Variants in SNAPC3 observed in about 807,000 individuals in gnomAD.
SNAPC3 encodes the protein snRNA-activating protein complex subunit 3.
SNAPC3 carries 56 observed loss-of-function variants against 47.7 expected under a neutral mutation model. That is an observed-to-expected ratio of 1.18 (90% CI 0.95 to 1.47). The LOEUF is 1.47. SNAPC3 is among the 40% of genes most tolerant of loss of function. The pLI, the probability that SNAPC3 is intolerant of heterozygous loss-of-function variation, is 0.00. For missense variants in SNAPC3, 665 were observed against 511.3 expected, an observed-to-expected ratio of 1.30 and a Z score of -2.90; for synonymous variants, 235 against 189.9, an observed-to-expected ratio of 1.24 and a Z score of -1.95.
At chr9:15,454,973 G>A (rs1207372876) in intron 7 of SNAPC3, among the ~76,000 whole-genome samples, 1 of 151,992 alleles carries the variant, frequency 6.6e-6, no homozygotes, top group Non-Finnish European at 1.5e-5. Context: ...AATGCAAATG[G>A]GAGAGAATTA....
chr9:15,424,349 T>C (rs1281112528), intron 2 of SNAPC3, among the ~76,000 whole-genome samples: 1 of 152,252 alleles, frequency 6.6e-6, no homozygotes, highest in African/African-American at 2.4e-5. Flanking sequence ...TATTTTTTAA[T>C]ATTTTTGAAT....
chr9:15,462,380 T>C (rs1003415213), downstream of SNAPC3: 4 of 152,350 alleles, frequency 2.6e-5, no homozygotes, highest in Admixed American at 6.5e-5. Context: ...GTATCAGTTA[T>C]ACAGGTATCC....
downstream of SNAPC3, chr9:15,464,543 A>G (rs112940628): frequency 5.4e-3 from 1,086 of 199,918 alleles, 11 homozygotes; most frequent in African/African-American, 0.023. Context: ...TATTTTTGGA[A>G]TCTAGAAAAT....
At chr9:15,447,540 T>A (rs1295396833) in intron 5 of SNAPC3, among the ~76,000 whole-genome samples, 1 of 152,170 alleles carries the variant, frequency 6.6e-6, no homozygotes, top group Non-Finnish European at 1.5e-5. Flanking sequence ...TTTTGTTTTT[T>A]TGAGACAGAG....
intron 3 of SNAPC3, among the ~76,000 whole-genome samples, chr9:15,436,424 T>C (rs573985342): frequency 1.2e-4 from 19 of 152,322 alleles, no homozygotes; most frequent in African/African-American, 4.3e-4. Flanking sequence ...TTGCAGACTG[T>C]CCTTTCCCTA....
At chr9:15,426,448 G>T (rs1365282951) in intron 2 of SNAPC3, among the ~76,000 whole-genome samples, 3 of 152,134 alleles carry the variant, frequency 2.0e-5, no homozygotes, top group Non-Finnish European at 2.9e-5. Flanking sequence ...ACACTTGAAA[G>T]TTCCTTAAGT....
Position 15,461,148 on chromosome 9 carries a change from A to AG in SNAPC3, c.*1282_*1283insG. On this transcript the variant is annotated 3_prime_UTR_variant, in exon 9 of 9. Coordinates refer to ENST00000380821, the MANE Select transcript of SNAPC3 (RefSeq NM_001039697.2). ...CTCATCTTATTCTGAGGAAAAAAAAAAAAACCAAAACTTTTTAAACTTATT... is the reference window on the plus strand; with the variant it reads ...CTCATCTTATTCTGAGGAAAAAAAAAGAAAACCAAAACTTTTTAAACTTATT... The AG allele has an allele frequency of 1.3e-5, 2 of 151,838 alleles. No homozygotes were observed. Among genetic ancestry groups the AG allele is most frequent in the Middle Eastern group, 6.8e-3 (2 of 294 alleles). The allele number at this position is 151,838 out of a possible 1,614,324, so 9.4% of individuals were successfully genotyped here.
rs759747523 is a variant in SNAPC3 at position 15,447,086 on chromosome 9, G to C, written c.583-9G>C. On this transcript the variant is annotated splice_polypyrimidine_tract_variant and intron_variant, in intron 4 of 8. Coordinates refer to ENST00000380821, the MANE Select transcript of SNAPC3 (RefSeq NM_001039697.2). ...CTAAATGAACACTTATTTATTCTTT[G>C]ACTTTTAGCACAAAGAACACAAACC... 186 of 1,612,916 alleles carry C rather than the reference G, an allele frequency of 1.2e-4. 1 individual carries two copies. Among genetic ancestry groups the C allele is most frequent in the Non-Finnish European group, 1.4e-4 (168 of 1,179,172 alleles).
intron 2 of SNAPC3, chr9:15,431,884 CTTTTTTTTTTTT>C (rs36102225): frequency 1.0e-5 from 1 of 98,144 alleles, no homozygotes; most frequent in Non-Finnish European, 2.0e-5. Flanking sequence ...TAAAGCCTGT[CTTTTTTTTTTTT>C]TTTTTTTTTT....
At chr9:15,430,004 T>A (rs1395894245) in intron 2 of SNAPC3, among the ~76,000 whole-genome samples, 5 of 152,226 alleles carry the variant, frequency 3.3e-5, no homozygotes, top group African/African-American at 9.6e-5. Flanking sequence ...AAAGGACACT[T>A]TTTAATTTAT....
chr9:15,437,809 CAG>C (rs2131824785), intron 3 of SNAPC3, among the ~76,000 whole-genome samples: 1 of 152,192 alleles, frequency 6.6e-6, no homozygotes, highest in Admixed American at 6.5e-5. Flanking sequence ...AAATCAATAA[CAG>C]AAGAAAAGTT....
intron 8 of SNAPC3, among the ~76,000 whole-genome samples, chr9:15,459,453 T>C (rs1026007289): frequency 6.6e-6 from 1 of 152,166 alleles, no homozygotes; most frequent in Non-Finnish European, 1.5e-5. Context: ...TTCAAATAGA[T>C]TTATATTCTT....
At chr9:15,437,622 GTTT>G (rs577506548) in intron 3 of SNAPC3, among the ~76,000 whole-genome samples, 3 of 115,732 alleles carry the variant, frequency 2.6e-5, no homozygotes, top group African/African-American at 3.0e-5. Flanking sequence ...ATGATCTGTT[GTTT>G]TTTTTTTTTT....
chr9:15,429,212 A>G (rs536661065), intron 2 of SNAPC3, among the ~76,000 whole-genome samples: 12 of 152,336 alleles, frequency 7.9e-5, no homozygotes, highest in East Asian at 1.9e-4. Flanking sequence ...TTAAAGCTCA[A>G]TGAAGGTGTG....
In SNAPC3 at chr9:15,447,235, C is replaced by G. The variant is rs1381857362; in HGVS notation, c.723C>G (p.His241Gln). 1.9e-6 allele frequency: 3 copies of G among 1,613,922 alleles called. No individual in the cohort carries two copies. The South Asian group carries it at 3.3e-5, about 18-fold the overall frequency. The part of the protein sequence containing the change: ...FSNTPDQAPE[H>Q]ISKDLYKSAF... ...ACACTCCTGACCAAGCCCCTGAGCA[C>G]ATCAGCAAAGTAAGGTGATTTCCTC... The change falls in exon 5 of 9, where the codon CAC (histidine) becomes CAG (glutamine). Residue 241 changes from histidine (H) to glutamine (Q), a missense_variant. Coordinates refer to ENST00000380821, the MANE Select transcript of SNAPC3 (RefSeq NM_001039697.2).
chr9:15,463,059 A>G (rs2035337495), downstream of SNAPC3: 1 of 152,010 alleles, frequency 6.6e-6, no homozygotes, highest in South Asian at 2.1e-4. Context: ...ATTTGAAATC[A>G]CTGGATATAA....
intron 3 of SNAPC3, among the ~76,000 whole-genome samples, chr9:15,443,924 C>G (rs1056646893): frequency 3.9e-5 from 6 of 152,164 alleles, no homozygotes; most frequent in Admixed American, 2.6e-4. Context: ...CCATCAGGTT[C>G]CAGAGTTCCC....
In SNAPC3 at chr9:15,459,718, G is replaced by C; in HGVS notation, c.1089-1G>C. 1.2e-6 allele frequency: 2 copies of C among 1,611,634 alleles called. No homozygotes were observed. Among genetic ancestry groups the C allele is most frequent in the East Asian group, 2.2e-5 (1 of 44,846 alleles). ...TGTACTTCTTTTTTTAAAAACTACA[G>C]ATGGGTGACGAACAATGACAGTTTT... On this transcript the variant is annotated splice_acceptor_variant, in intron 8 of 8. Transcript: ENST00000380821. LOFTEE classifies it high-confidence loss of function.
rs145571973 is a variant in SNAPC3, at chr9:15,456,606, T to A, written c.981-1354T>A. ...CCTCAGTCTTTCCCATAGCTGAGATTATAGGCATATGCCACCATGCCTGGC... is the reference window on the plus strand; with the variant it reads ...CCTCAGTCTTTCCCATAGCTGAGATAATAGGCATATGCCACCATGCCTGGC... On this transcript the variant is annotated intron_variant, in intron 7 of 8. Coordinates refer to ENST00000380821, the MANE Select transcript of SNAPC3 (RefSeq NM_001039697.2). Among the ~76,000 whole-genome samples the A allele has an allele frequency of 1.2e-3, 177 of 152,198 alleles. 2 individuals carry two copies. Among genetic ancestry groups the A allele is most frequent in the African/African-American group, 3.9e-3 (164 of 41,540 alleles).
Sources: allele counts gnomAD v4.1 joint callset (sites outside exome capture counted in the v4.1 genomes callset), GRCh38; gene constraint gnomAD v4.1.1; transcripts MANE v1.5; gene names NCBI Gene and HGNC (gene_info 2026-07-23, HGNC 2026-07-21).